The following EXOC4 variants were observed in gnomAD, a reference collection of about 807,000 sequenced individuals.
EXOC4 encodes the protein SEC8-like 1.
EXOC4 carries 71 observed loss-of-function variants against 107.2 expected under a neutral mutation model. The ratio of observed to expected loss-of-function variants is 0.66; its 90% CI spans 0.55 to 0.81. The LOEUF (loss-of-function observed/expected upper bound fraction) is 0.81, where lower values mean the gene tolerates loss of function less well. Among genes scored for constraint, EXOC4 ranks in the 30% least tolerant of loss-of-function variants. The pLI is 0.00. For synonymous variants in EXOC4, 456 were observed against 441.2 expected (o/e 1.03, Z -0.42); for missense variants, 1,108 against 1,189.6 (o/e 0.93, Z 1.01).
At chr7:133,923,706 A>G (rs1799990205) in intron 13 of EXOC4, among the ~76,000 whole-genome samples, 1 of 152,114 alleles carries the variant, frequency 6.6e-6, no homozygotes. Context: ...TGTACAGGCC[A>G]CCTTTTTTAC....
chr7:134,072,040 C>T, the EXOC4 span, among the ~76,000 whole-genome samples: 1 of 152,232 alleles, frequency 6.6e-6, no homozygotes, highest in Non-Finnish European at 1.5e-5. Flanking sequence ...TGCCTGAGCC[C>T]ATCCCTGTGA....
intron 14 of EXOC4, among the ~76,000 whole-genome samples, chr7:133,995,148 A>T (rs1794357326): frequency 2.0e-5 from 3 of 152,228 alleles, no homozygotes; most frequent in South Asian, 4.1e-4. Context: ...CTCAGCAGCT[A>T]ATCTTGCCAT....
At chr7:133,361,847 A>G (rs1796143557) in intron 6 of EXOC4, among the ~76,000 whole-genome samples, 1 of 152,256 alleles carries the variant, frequency 6.6e-6, no homozygotes, top group African/African-American at 2.4e-5. Context: ...ACAATAAGCC[A>G]TGAAATGATA....
intron 11 of EXOC4, among the ~76,000 whole-genome samples, chr7:133,860,612 TGAA>T (rs1798513594): frequency 6.6e-6 from 1 of 152,232 alleles, no homozygotes; most frequent in African/African-American, 2.4e-5. Context: ...GAAATGTTGT[TGAA>T]TTGAAGAGAA....
At chr7:133,911,185 A>G (rs1354054056) in intron 12 of EXOC4, among the ~76,000 whole-genome samples, 3 of 152,126 alleles carry the variant, frequency 2.0e-5, no homozygotes, top group African/African-American at 4.8e-5. Flanking sequence ...TAATGAGTAC[A>G]TTATGGTTCT....
intron 9 of EXOC4, chr7:133,601,904 A>G (rs1327572228): frequency 1.3e-5 from 2 of 152,278 alleles, no homozygotes; most frequent in African/African-American, 2.4e-5. Context: ...AAAATGCTCT[A>G]TCCCAAATTT....
chr7:133,884,620 T>TGCGC (rs1554414614), intron 11 of EXOC4, among the ~76,000 whole-genome samples: 6 of 142,330 alleles, frequency 4.2e-5, no homozygotes, highest in South Asian at 2.2e-4. Context: ...TGTGTGTGTG[T>TGCGC]GCGCGCGTGT....
chr7:133,962,441 T>A (rs1800968501), intron 14 of EXOC4, among the ~76,000 whole-genome samples: 1 of 152,180 alleles, frequency 6.6e-6, no homozygotes, highest in African/African-American at 2.4e-5. Context: ...TTACCGTAGA[T>A]GACACTCTCA....
At chr7:133,379,462 C>A in intron 7 of EXOC4, among the ~76,000 whole-genome samples, 1 of 151,868 alleles carries the variant, frequency 6.6e-6, no homozygotes, top group East Asian at 1.9e-4. Context: ...AAGAGATAAC[C>A]ATGAAATACT....
At chr7:133,403,483 A>G (rs887814840) in intron 7 of EXOC4, among the ~76,000 whole-genome samples, 2 of 152,248 alleles carry the variant, frequency 1.3e-5, no homozygotes, top group African/African-American at 4.8e-5. Context: ...GTAGGAATGA[A>G]TTTAGCCCAT....
At chr7:133,545,440 G>A (rs1408665761) in intron 9 of EXOC4, among the ~76,000 whole-genome samples, 1 of 152,070 alleles carries the variant, frequency 6.6e-6, no homozygotes, top group Non-Finnish European at 1.5e-5. Context: ...AAGAAAACTG[G>A]ATACCTTATA....
intron 11 of EXOC4, among the ~76,000 whole-genome samples, chr7:133,857,858 G>A (rs978773507): frequency 2.0e-5 from 3 of 152,100 alleles, no homozygotes; most frequent in African/African-American, 7.2e-5. Flanking sequence ...CCACAGCTCG[G>A]CGGATCGGGC....
chr7:134,095,515 C>A, the EXOC4 span, among the ~76,000 whole-genome samples: 1 of 152,080 alleles, frequency 6.6e-6, no homozygotes. Context: ...GTAGCCAAAA[C>A]AATCCTAAGC....
At chr7:133,936,354 T>C (rs534631754) in intron 13 of EXOC4, among the ~76,000 whole-genome samples, 1 of 152,382 alleles carries the variant, frequency 6.6e-6, no homozygotes, top group East Asian at 1.9e-4. Context: ...TCTTTCAACA[T>C]TGGGCATCTG....
intron 7 of EXOC4, among the ~76,000 whole-genome samples, chr7:133,400,928 ATGAGACCTCAGAGTG>A (rs1333341310): frequency 6.6e-6 from 1 of 152,218 alleles, no homozygotes; most frequent in Non-Finnish European, 1.5e-5. Context: ...ATGAAAAGGT[ATGAGACCTCAGAGTG>A]GGGGCACGAG....
the EXOC4 span, among the ~76,000 whole-genome samples, chr7:134,076,303 G>A: frequency 6.6e-6 from 1 of 152,124 alleles, no homozygotes; most frequent in South Asian, 2.1e-4. Context: ...GGATGACGAG[G>A]TCAGGAGATC....
At chr7:133,864,213 G>T (rs1798591321) in intron 11 of EXOC4, among the ~76,000 whole-genome samples, 1 of 152,172 alleles carries the variant, frequency 6.6e-6, no homozygotes, top group Admixed American at 6.5e-5. Flanking sequence ...TGATGTTAAT[G>T]AATGTCTGGA....
At chr7:133,359,109 G>C (rs1796085673) in intron 6 of EXOC4, among the ~76,000 whole-genome samples, 1 of 152,174 alleles carries the variant, frequency 6.6e-6, no homozygotes, top group Non-Finnish European at 1.5e-5. Flanking sequence ...AAATAGTACA[G>C]AGAAAGCAAG....
At chr7:133,715,196 A>G (rs1421405208) in intron 10 of EXOC4, among the ~76,000 whole-genome samples, 1 of 152,144 alleles carries the variant, frequency 6.6e-6, no homozygotes, top group African/African-American at 2.4e-5. Context: ...AATTTCTTTT[A>G]GAGACAGGGT....
Sources: gnomAD v4.1 joint callset for allele counts (sites outside exome capture counted in the v4.1 genomes callset) on GRCh38, gnomAD v4.1.1 for gene constraint, MANE v1.5 for transcripts, NCBI Gene and HGNC (gene_info 2026-07-23, HGNC 2026-07-21) for gene names.